Variants in RAD51C observed in about 807,000 individuals in gnomAD.
RAD51C encodes the protein DNA repair protein RAD51 homolog 3.
In RAD51C, 42 loss-of-function variants were observed where a neutral mutation model predicts 45.0. The ratio of observed to expected loss-of-function variants is 0.93; its 90% CI spans 0.73 to 1.21. The LOEUF is 1.21. RAD51C is among the 50% of genes most tolerant of loss of function. RAD51C has a pLI of 0.00. For missense variants in RAD51C, 474 were observed against 452.2 expected (o/e 1.05, Z -0.44); for synonymous variants, 172 against 159.8 (o/e 1.08, Z -0.58).
rs562139141 is a variant in RAD51C at position 58,711,894 on chromosome 17, T to A, written c.837+1904T>A. ...ACATATATATAACATGTATGGCTTT[T>A]GATAATGTATTTTATAATTTTAAGG... On this transcript the variant is annotated intron_variant, in intron 5 of 8. Coordinates refer to ENST00000337432, the MANE Select transcript of RAD51C (RefSeq NM_058216.3). 3.3e-5 allele frequency among the ~76,000 whole-genome samples: 5 copies of A among 152,182 alleles called. No individual in the cohort carries two copies. The East Asian group carries it at 9.7e-4, about 29-fold the overall frequency.
In RAD51C at chr17:58,712,288, T is replaced by G. The variant is rs555804762; in HGVS notation, c.837+2298T>G. On this transcript the variant is annotated intron_variant, in intron 5 of 8. Transcript: ENST00000337432. Reference sequence around the variant, plus strand: ...TGAACCCAGAAGGCGGAGGTTGCAGTGAGCCAAGATTGCGCCACTGCACTC... The same window carrying G: ...TGAACCCAGAAGGCGGAGGTTGCAGGGAGCCAAGATTGCGCCACTGCACTC... Among the ~76,000 whole-genome samples, 9 of 132,060 alleles carry G rather than the reference T, an allele frequency of 6.8e-5. No individual in the cohort carries two copies. In the South Asian group the frequency reaches 2.0e-3, roughly 30 times the overall value. 86.6% of individuals were successfully genotyped at this position (132,060 alleles called of 152,430 possible). A position where few individuals can be genotyped will look rare whatever the true frequency, so the allele number is the denominator to read the frequency against.
rs2047955792 is a variant in RAD51C at position 58,695,133 on chromosome 17, C to G, written c.348C>G (p.Pro116=). ...ATGATATTCTTGGGGGTGGAGTGCCCTTAATGAAAACAACAGAAATTTGTG... is the reference window on the plus strand; with the variant it reads ...ATGATATTCTTGGGGGTGGAGTGCCGTTAATGAAAACAACAGAAATTTGTG... ...ALDDILGGGV[P]LMKTTEICGA... is the part of the protein sequence containing the mutation. The change falls in exon 2 of 9, where the codon CCC becomes CCG. Residue 116 remains proline, a synonymous_variant. Coordinates refer to ENST00000337432, the MANE Select transcript of RAD51C (RefSeq NM_058216.3). The G allele has an allele frequency of 6.2e-7, 1 of 1,613,870 alleles. No homozygotes were observed. Among genetic ancestry groups the G allele is most frequent in the East Asian group, 2.2e-5 (1 of 44,848 alleles).
chr17:58,693,105 C>T (rs1360074339), intron 1 of RAD51C: 3 of 336,068 alleles, frequency 8.9e-6, no homozygotes, highest in South Asian at 5.6e-5. Context: ...GAACTGATAT[C>T]TTGGGGAGCT....
At position 58,694,974 on chromosome 17, in the gene RAD51C, T is replaced by C. The variant is rs730881923; in HGVS notation, c.189T>C (p.Ile63=). ...SKAEALETLQ[I]IRRECLTNKP... is the part of the protein sequence containing the mutation. ...CAGAAGCCTTAGAAACTCTGCAAAT[T>C]ATCAGAAGAGAATGTCTCACAAATA... The change falls in exon 2 of 9, where the codon ATT becomes ATC. Residue 63 remains isoleucine (I), a synonymous_variant. Transcript: ENST00000337432. 2 of 1,614,046 alleles carry C rather than the reference T, an allele frequency of 1.2e-6. No individual in the cohort carries two copies. Among genetic ancestry groups the C allele is most frequent in the Non-Finnish European group, 1.7e-6 (2 of 1,180,014 alleles).
intron 4 of RAD51C, among the ~76,000 whole-genome samples, chr17:58,709,119 A>C (rs2048468117): frequency 6.9e-6 from 1 of 144,054 alleles, no homozygotes; most frequent in East Asian, 2.0e-4. Flanking sequence ...TTTTGAGACA[A>C]AGTCTCACTC....
intron 7 of RAD51C, 170 bp from the exon 8 acceptor site, chr17:58,732,314 G>A (rs2049460661): frequency 1.7e-6 from 1 of 593,088 alleles, no homozygotes; most frequent in Middle Eastern, 4.7e-4. Flanking sequence ...ATACATACGG[G>A]TAATTTGAAG....
chr17:58,697,129 T>C (rs1297690341), intron 3 of RAD51C, among the ~76,000 whole-genome samples: 2 of 152,198 alleles, frequency 1.3e-5, no homozygotes, highest in Non-Finnish European at 2.9e-5. Flanking sequence ...ATACTCCATC[T>C]TATCAGGTGT....
At chr17:58,693,017 T>C in intron 1 of RAD51C, 1 of 580,886 alleles carries the variant, frequency 1.7e-6, no homozygotes, top group South Asian at 2.0e-5. Flanking sequence ...TGGCAATGCC[T>C]GCTGAATGCT....
At chr17:58,721,686 G>A (rs2048922588) in intron 6 of RAD51C, among the ~76,000 whole-genome samples, 1 of 151,996 alleles carries the variant, frequency 6.6e-6, no homozygotes, top group Non-Finnish European at 1.5e-5. Context: ...TTGAACCTGG[G>A]GGGCAGAGGT....
rs553345751 is a variant in RAD51C at position 58,732,113 on chromosome 17, AT to A, written c.966-370del. Among the ~76,000 whole-genome samples, 549 of 152,278 alleles carry A rather than the reference AT, an allele frequency of 3.6e-3. 3 individuals are homozygous for A. The highest frequency in any genetic ancestry group is 0.012 in the African/African-American group (513 of 41,570). ...TCAATTCTTTTAGATGTGCGTATAC[AT>A]ACTTATAAATATGGGATAATACAGT... On this transcript the variant is annotated intron_variant, in intron 7 of 8. Coordinates refer to ENST00000337432, the MANE Select transcript of RAD51C (RefSeq NM_058216.3).
chr17:58,711,826 T>C (rs1276576524), intron 5 of RAD51C, among the ~76,000 whole-genome samples: 1 of 152,126 alleles, frequency 6.6e-6, no homozygotes, highest in African/African-American at 2.4e-5. Flanking sequence ...TTTCCCTCTC[T>C]TACTTTATAA....
chr17:58,731,034 A>G (rs1242973859), intron 7 of RAD51C, among the ~76,000 whole-genome samples: 1 of 152,130 alleles, frequency 6.6e-6, no homozygotes, highest in Non-Finnish European at 1.5e-5. Flanking sequence ...ATCATATAAT[A>G]CTTGTTCTGA....
intron 7 of RAD51C, among the ~76,000 whole-genome samples, chr17:58,730,365 A>G (rs1316110416): frequency 6.9e-6 from 1 of 145,232 alleles, no homozygotes; most frequent in Non-Finnish European, 1.5e-5. Flanking sequence ...TTTAGTAGAG[A>G]TGGGGGTTTC....
At chr17:58,732,867 T>G (rs1049037303) in intron 8 of RAD51C, 1 of 321,460 alleles carries the variant, frequency 3.1e-6, no homozygotes, top group African/African-American at 2.1e-5. Flanking sequence ...CTAACATTAC[T>G]TATTTTGGTC....
chr17:58,729,791 C>T (rs1024647946), intron 7 of RAD51C, among the ~76,000 whole-genome samples: 1 of 151,748 alleles, frequency 6.6e-6, no homozygotes, highest in South Asian at 2.1e-4. Flanking sequence ...AGGCTGGTCT[C>T]GGATGCCTGA....
chr17:58,727,143 A>G (rs546304355), intron 7 of RAD51C, among the ~76,000 whole-genome samples: 138 of 112,100 alleles, frequency 1.2e-3, no homozygotes, highest in African/African-American at 4.4e-3. Context: ...TTTTTTTTTG[A>G]GAGGGAGTTT....
chr17:58,720,387 G>A (rs1179234428), intron 5 of RAD51C, among the ~76,000 whole-genome samples: 1 of 150,206 alleles, frequency 6.7e-6, no homozygotes, highest in Non-Finnish European at 1.5e-5. Context: ...CTGCACTCCA[G>A]CCTGGGTGAC....
rs890693820 is a variant in RAD51C at position 58,727,714 on chromosome 17, G to A, written c.965+3614G>A. On this transcript the variant is annotated intron_variant, in intron 7 of 8. Coordinates refer to ENST00000337432, the MANE Select transcript of RAD51C (RefSeq NM_058216.3). Reference sequence around the variant, plus strand: ...AGTTGTTAAAGTTGCATGAACTTGAGCCCAGAAGTTGGAGAACAGCCTGGC... The same window carrying A: ...AGTTGTTAAAGTTGCATGAACTTGAACCCAGAAGTTGGAGAACAGCCTGGC... Among the ~76,000 whole-genome samples the A allele has an allele frequency of 2.2e-4, 33 of 152,048 alleles. No individual in the cohort carries two copies. In the East Asian group the frequency reaches 5.4e-3, roughly 25 times the overall value.
At chr17:58,719,218 A>G (rs1361389678) in intron 5 of RAD51C, among the ~76,000 whole-genome samples, 2 of 151,478 alleles carry the variant, frequency 1.3e-5, no homozygotes, top group African/African-American at 2.4e-5. Flanking sequence ...AGCGAGACTC[A>G]GTCTTTCTTT....
Sources: allele counts gnomAD v4.1 joint callset (sites outside exome capture counted in the v4.1 genomes callset), GRCh38; gene constraint gnomAD v4.1.1; transcripts MANE v1.5; gene names NCBI Gene and HGNC (gene_info 2026-07-23, HGNC 2026-07-21).